The following DDX19B variants were observed in gnomAD, a reference collection of about 807,000 sequenced individuals.
The protein encoded by DDX19B is DEAD-box helicase 19B.
In DDX19B, 27 loss-of-function variants were observed where a neutral mutation model predicts 58.1. The ratio of observed to expected loss-of-function variants is 0.46; its 90% CI spans 0.34 to 0.64. The LOEUF (loss-of-function observed/expected upper bound fraction) is 0.64, where lower values mean the gene tolerates loss of function less well. DDX19B is among the 30% of genes least tolerant of loss of function. DDX19B has a pLI of 0.01. For synonymous variants in DDX19B, 187 were observed against 214.4 expected, an observed-to-expected ratio of 0.87 and a Z score of 1.12; for missense variants, 399 against 596.5, an observed-to-expected ratio of 0.67 and a Z score of 3.45.
At chr16:70,309,056 T>C (rs35123506) in intron 1 of DDX19B, among the ~76,000 whole-genome samples, 2 of 152,146 alleles carry the variant, frequency 1.3e-5, no homozygotes, top group African/African-American at 4.8e-5. Context: ...TTTTTTTGTT[T>C]GTTTTTCAGT....
chr16:70,303,759 C>T (rs1384343332), intron 1 of DDX19B, among the ~76,000 whole-genome samples: 1 of 151,790 alleles, frequency 6.6e-6, no homozygotes, highest in Non-Finnish European at 1.5e-5. Context: ...TGGGGTTTCA[C>T]CATGTTAGCC....
chr16:70,307,345 G>T (rs538414909), intron 1 of DDX19B, among the ~76,000 whole-genome samples: 2 of 152,238 alleles, frequency 1.3e-5, no homozygotes, highest in African/African-American at 4.8e-5. Context: ...TATTGTCTAT[G>T]AAATAATATG....
At chr16:70,313,842 C>T (rs951410266) in intron 2 of DDX19B, among the ~76,000 whole-genome samples, 2 of 152,134 alleles carry the variant, frequency 1.3e-5, no homozygotes, top group African/African-American at 2.4e-5. Context: ...GGTGTGGTGG[C>T]TCACACCTGT....
intron 10 of DDX19B, 86 bp downstream of exon 10, chr16:70,331,970 T>C: frequency 6.4e-7 from 1 of 1,555,100 alleles, no homozygotes; most frequent in South Asian, 1.2e-5. Flanking sequence ...CACAGGGAAG[T>C]CGGATGGTCT....
At chr16:70,296,891 T>C (rs1249830907), upstream of DDX19B, among the ~76,000 whole-genome samples, 1 of 152,076 alleles carries the variant, frequency 6.6e-6, no homozygotes, top group Non-Finnish European at 1.5e-5. Context: ...GAACCCACCA[T>C]GGCTTGATTT....
upstream of DDX19B, among the ~76,000 whole-genome samples, chr16:70,297,633 G>T (rs1040605469): frequency 6.6e-6 from 1 of 152,194 alleles, no homozygotes; most frequent in African/African-American, 2.4e-5. Context: ...CAAGGGAAGA[G>T]AAGCTTCTTT....
chr16:70,298,184 G>C (rs1961301655), upstream of DDX19B, among the ~76,000 whole-genome samples: 1 of 152,288 alleles, frequency 6.6e-6, no homozygotes, highest in South Asian at 2.1e-4. Flanking sequence ...AAGGCAGGCG[G>C]ATCACGAGGT....
At chr16:70,328,778 ATTT>A (rs1341611686) in intron 7 of DDX19B, among the ~76,000 whole-genome samples, 2 of 152,082 alleles carry the variant, frequency 1.3e-5, no homozygotes, top group African/African-American at 4.8e-5. Context: ...CCTTTTCAGC[ATTT>A]TTGTCTGTTT....
upstream of DDX19B, among the ~76,000 whole-genome samples, chr16:70,293,597 ATTT>A (rs71151182): frequency 3.5e-4 from 27 of 77,010 alleles, no homozygotes; most frequent in Admixed American, 1.4e-3. Context: ...GGATGGCTGA[ATTT>A]TTTTTTTTTT....
At chr16:70,304,285 C>T (rs1322397549) in intron 1 of DDX19B, among the ~76,000 whole-genome samples, 6 of 149,966 alleles carry the variant, frequency 4.0e-5, no homozygotes, top group Admixed American at 1.3e-4. Flanking sequence ...ATGATCTGCC[C>T]GCCTCGGCCT....
At chr16:70,320,734 T>A (rs1031711046) in intron 5 of DDX19B, among the ~76,000 whole-genome samples, 2 of 150,920 alleles carry the variant, frequency 1.3e-5, no homozygotes, top group African/African-American at 4.9e-5. Context: ...TTTTTTTGTA[T>A]TTTTAGTAGA....
intron 1 of DDX19B, among the ~76,000 whole-genome samples, chr16:70,300,296 C>T (rs1409279647): frequency 6.6e-6 from 1 of 151,952 alleles, no homozygotes; most frequent in East Asian, 1.9e-4. Flanking sequence ...GTCTCTGCCT[C>T]CCAGGCTCAA....
upstream of DDX19B, chr16:70,295,087 C>G (rs1026273368): frequency 1.6e-6 from 2 of 1,271,572 alleles, no homozygotes; most frequent in African/African-American, 1.5e-5. Context: ...CCTGTGATTT[C>G]AGGGGAAACT....
At chr16:70,310,462 G>A (rs906570036) in intron 1 of DDX19B, among the ~76,000 whole-genome samples, 2 of 152,040 alleles carry the variant, frequency 1.3e-5, no homozygotes, top group Non-Finnish European at 2.9e-5. Flanking sequence ...GATTGCCTGA[G>A]CCTTAGGAGG....
chr16:70,315,399 A>G (rs1962331007), intron 3 of DDX19B, among the ~76,000 whole-genome samples: 1 of 151,818 alleles, frequency 6.6e-6, no homozygotes. Context: ...AAAAAAAAAA[A>G]AAAAAAAGTT....
At position 70,303,420 on chromosome 16, in the gene DDX19B, A is replaced by G. The variant is rs531510795; in HGVS notation, c.57+4066A>G. Among the ~76,000 whole-genome samples, 99 of 151,830 alleles carry G rather than the reference A, an allele frequency of 6.5e-4. 3 individuals carry two copies. The South Asian group carries it at 0.02, about 31-fold the overall frequency. On this transcript the variant is annotated intron_variant, in intron 1 of 11. Coordinates refer to ENST00000288071, the MANE Select transcript of DDX19B (RefSeq NM_007242.7). ...CACCTGGGCCTCCCAGAGTGCTGAG[A>G]TGGATTACAGGCATGATAAGTCCTT... is the stretch of plus-strand genomic sequence containing the variant.
chr16:70,290,505 T>A (rs775545141), upstream of DDX19B, among the ~76,000 whole-genome samples: 11 of 151,880 alleles, frequency 7.2e-5, no homozygotes, highest in South Asian at 2.3e-3. Flanking sequence ...CCAGCCTGGC[T>A]ACGGAGCAAG....
chr16:70,305,727 G>GT (rs371929997), intron 1 of DDX19B, among the ~76,000 whole-genome samples: 1 of 151,684 alleles, frequency 6.6e-6, no homozygotes, highest in East Asian at 1.9e-4. Context: ...GTTCTGAGAG[G>GT]TTTTTTGTTT....
At chr16:70,294,824 G>A, upstream of DDX19B, 1 of 1,479,054 alleles carries the variant, frequency 6.8e-7, no homozygotes, top group Non-Finnish European at 8.9e-7. Flanking sequence ...TTGTTGGAGT[G>A]TAACTGCCAT....
Sources: allele counts gnomAD v4.1 joint callset (sites outside exome capture counted in the v4.1 genomes callset), GRCh38; gene constraint gnomAD v4.1.1; transcripts MANE v1.5; gene names NCBI Gene and HGNC (gene_info 2026-07-23, HGNC 2026-07-21).